Variants in HS3ST4 observed in about 807,000 individuals in gnomAD.
The protein encoded by HS3ST4 is heparan sulfate-glucosamine 3-sulfotransferase 4, also known as heparan sulfate glucosamine 3-O-sulfotransferase 4.
Under a neutral mutation model 29.2 loss-of-function variants are expected in HS3ST4, and 17 were observed. The ratio of observed to expected loss-of-function variants is 0.58; its 90% confidence interval spans 0.40 to 0.87. HS3ST4 has a LOEUF of 0.87. HS3ST4 is among the 40% of genes least tolerant of loss of function. The pLI is 0.00. For synonymous variants in HS3ST4, 314 were observed against 285.7 expected (o/e 1.10, Z -1.00); for missense variants, 627 against 634.5 (o/e 0.99, Z 0.13).
At chr16:26,090,270 T>C (rs1248838523) in intron 1 of HS3ST4, among the ~76,000 whole-genome samples, 1 of 147,074 alleles carries the variant, frequency 6.8e-6, no homozygotes, top group Non-Finnish European at 1.5e-5. Context: ...AGTGTTCTCC[T>C]TGAGATTAAG....
At chr16:26,061,987 A>G (rs1898481463) in intron 1 of HS3ST4, among the ~76,000 whole-genome samples, 1 of 152,212 alleles carries the variant, frequency 6.6e-6, no homozygotes, top group African/African-American at 2.4e-5. Context: ...TCATCCTGAA[A>G]TGAATCATTC....
intron 1 of HS3ST4, among the ~76,000 whole-genome samples, chr16:25,931,496 G>A (rs191448833): frequency 2.6e-5 from 4 of 152,370 alleles, no homozygotes; most frequent in African/African-American, 7.2e-5. Flanking sequence ...CCAGCTGTGA[G>A]TTTATCTTGG....
chr16:25,832,543 CATA>C (rs773437938), intron 1 of HS3ST4, among the ~76,000 whole-genome samples: 2 of 152,064 alleles, frequency 1.3e-5, no homozygotes, highest in Non-Finnish European at 2.9e-5. Context: ...TGCATAAAAT[CATA>C]ATAAATGTTT....
chr16:26,131,639 G>A (rs563050056), intron 1 of HS3ST4, among the ~76,000 whole-genome samples: 22 of 152,328 alleles, frequency 1.4e-4, no homozygotes, highest in South Asian at 4.1e-4. Flanking sequence ...CAGGTTAGCA[G>A]GGGGTTTTGT....
rs540143151 is a variant in HS3ST4, at chr16:25,774,078, A to G, written c.734+80927A>G. ...CCCTCCAGAAATACCCCAGTTTCTG[A>G]AAGTTTTGTTGCTAAGAACTAGTCC... is the stretch of plus-strand genomic sequence containing the variant. On this transcript the variant is annotated intron_variant, in intron 1 of 1. Transcript: ENST00000331351. Among the ~76,000 whole-genome samples the G allele has an allele frequency of 2.3e-3, 353 of 152,360 alleles. 1 individual carries two copies. Among genetic ancestry groups the G allele is most frequent in the Non-Finnish European group, 3.9e-3 (266 of 68,032 alleles).
intron 1 of HS3ST4, among the ~76,000 whole-genome samples, chr16:25,715,328 C>CAA (rs10573861): frequency 6.8e-5 from 6 of 87,792 alleles, no homozygotes; most frequent in African/African-American, 8.7e-5. Context: ...GACTCCGTCT[C>CAA]AAAAAAAAAA....
At chr16:26,043,101 A>G (rs117990378) in intron 1 of HS3ST4, among the ~76,000 whole-genome samples, 19 of 152,248 alleles carry the variant, frequency 1.2e-4, no homozygotes, top group Non-Finnish European at 2.8e-4. Flanking sequence ...TGTGTTCTCA[A>G]TATCTATATA....
chr16:26,072,731 C>G lies in HS3ST4; in HGVS notation c.735-62881C>G, dbSNP rs547668984. Among the ~76,000 whole-genome samples the G allele has an allele frequency of 2.0e-5, 3 of 152,032 alleles. No individual in the cohort carries two copies. In the East Asian group the frequency reaches 5.8e-4, roughly 29 times the overall value. On this transcript the variant is annotated intron_variant, in intron 1 of 1. Transcript: ENST00000331351. Reference sequence around the variant, plus strand: ...TACAATGTGTATTTTATGATAAGATCCTAGAATAGTAATGTAACACTAGTG... The same window carrying G: ...TACAATGTGTATTTTATGATAAGATGCTAGAATAGTAATGTAACACTAGTG...
intron 1 of HS3ST4, among the ~76,000 whole-genome samples, chr16:25,915,262 G>A (rs1170560452): frequency 2.0e-5 from 3 of 151,280 alleles, no homozygotes; most frequent in Admixed American, 6.6e-5. Context: ...GTTCCACCGC[G>A]GAGCATCTCC....
At chr16:26,117,005 A>T (rs761180210) in intron 1 of HS3ST4, among the ~76,000 whole-genome samples, 3 of 152,244 alleles carry the variant, frequency 2.0e-5, no homozygotes, top group Non-Finnish European at 4.4e-5. Flanking sequence ...ATTCAACTTT[A>T]ACAGGCTATC....
intron 1 of HS3ST4, among the ~76,000 whole-genome samples, chr16:26,007,843 G>T (rs1444045005): frequency 6.6e-6 from 1 of 151,806 alleles, no homozygotes; most frequent in South Asian, 2.1e-4. Flanking sequence ...TTCTTCCCCC[G>T]CCCACCACCT....
chr16:25,800,100 T>TCCTTCCTG (rs150371566), intron 1 of HS3ST4, among the ~76,000 whole-genome samples: 10 of 149,716 alleles, frequency 6.7e-5, no homozygotes, highest in Middle Eastern at 3.4e-3. Context: ...CTGCCTTCCT[T>TCCTTCCTG]CCTTCCTGCC....
intron 1 of HS3ST4, among the ~76,000 whole-genome samples, chr16:26,099,063 T>A (rs1898962942): frequency 6.6e-6 from 1 of 152,180 alleles, no homozygotes; most frequent in East Asian, 1.9e-4. Context: ...CCCTATTAGG[T>A]AGGCAATATC....
chr16:25,994,260 C>T (rs550718169), intron 1 of HS3ST4, among the ~76,000 whole-genome samples: 98 of 152,088 alleles, frequency 6.4e-4, no homozygotes, highest in African/African-American at 2.0e-3. Context: ...CTTTATAATA[C>T]GTTTTTCTTT....
At chr16:26,029,953 G>A (rs768344632) in intron 1 of HS3ST4, among the ~76,000 whole-genome samples, 11 of 152,120 alleles carry the variant, frequency 7.2e-5, no homozygotes, top group Admixed American at 2.6e-4. Context: ...AAAAACACCC[G>A]TCCCCTGAGC....
intron 1 of HS3ST4, among the ~76,000 whole-genome samples, chr16:25,981,089 G>A (rs1334474498): frequency 6.6e-6 from 1 of 152,108 alleles, no homozygotes; most frequent in Non-Finnish European, 1.5e-5. Context: ...TGGGCACGGT[G>A]CCTCAGGCCT....
chr16:25,951,867 G>A (rs564010227), intron 1 of HS3ST4, among the ~76,000 whole-genome samples: 232 of 151,952 alleles, frequency 1.5e-3, no homozygotes, highest in African/African-American at 5.4e-3. Context: ...TACAGCCCAC[G>A]AGCTAAGAAT....
Position 25,916,368 on chromosome 16 carries a change from AT to A in HS3ST4, c.735-219233del, listed in dbSNP as rs35493802. Among the ~76,000 whole-genome samples the A allele has an allele frequency of 8.4e-4, 123 of 146,540 alleles. 1 individual carries two copies. In the East Asian group the frequency reaches 0.018, roughly 21 times the overall value. ...TTGTGTTGTGTTTATATTCGAATGC[AT>A]TTTTTTTTTTGAGACAGAGTTTCGC... On this transcript the variant is annotated intron_variant, in intron 1 of 1. Transcript: ENST00000331351.
intron 1 of HS3ST4, among the ~76,000 whole-genome samples, chr16:25,897,026 T>C (rs1968073365): frequency 6.6e-6 from 1 of 152,102 alleles, no homozygotes; most frequent in Admixed American, 6.5e-5. Context: ...GAACACGGGT[T>C]GAAAAACTGC....
Sources: allele counts gnomAD v4.1 joint callset (sites outside exome capture counted in the v4.1 genomes callset), GRCh38; gene constraint gnomAD v4.1.1; transcripts MANE v1.5; gene names NCBI Gene and HGNC (gene_info 2026-07-23, HGNC 2026-07-21).